SNRPG: variants seen among roughly 807,000 people sequenced by gnomAD.
The protein encoded by SNRPG is small nuclear ribonucleoprotein G.
A neutral mutation model predicts 13.9 loss-of-function variants in SNRPG; 3 were observed. The observed-to-expected ratio is 0.22, with a 90% CI of 0.10 to 0.56. SNRPG has a LOEUF of 0.56. Ranked by LOEUF, SNRPG falls within the 20% of genes least tolerant of loss-of-function variation. SNRPG has a pLI of 0.93. For missense variants in SNRPG, 34 were observed against 96.1 expected (o/e 0.35, Z 2.70); for synonymous variants, 29 against 29.3 (o/e 0.99, Z 0.03).
At chr2:70,286,318 T>C (rs1235498729) in intron 3 of SNRPG, among the ~76,000 whole-genome samples, 3 of 152,232 alleles carry the variant, frequency 2.0e-5, no homozygotes, top group Non-Finnish European at 4.4e-5. Context: ...TGAAGCCAAC[T>C]GTCCTTTGTT....
chr2:70,291,994 C>G (rs1182105414), intron 1 of SNRPG, among the ~76,000 whole-genome samples: 1 of 146,866 alleles, frequency 6.8e-6, no homozygotes. Context: ...GTTGCCCAGG[C>G]TGGAGTGCAG....
intron 2 of SNRPG, 78 bp from the exon 3 acceptor site, chr2:70,288,270 A>C: frequency 8.1e-7 from 1 of 1,233,644 alleles, no homozygotes; most frequent in Non-Finnish European, 1.2e-6. Context: ...AGGTGGGATA[A>C]AACACAAGTA....
Position 70,281,469 on chromosome 2 carries a change from G to A in SNRPG, c.*165C>T, listed in dbSNP as rs1696781368. On this transcript the variant is annotated 3_prime_UTR_variant, in exon 4 of 4. Coordinates refer to ENST00000272348, the MANE Select transcript of SNRPG (RefSeq NM_003096.4). ...CATGTTAGAAAAAACTGGAATGAGA[G>A]CTGATATTCTATATTCAGAACATCT... 2.3e-6 allele frequency: 1 copy of A among 436,270 alleles called. No individual in the cohort carries two copies. Among genetic ancestry groups the A allele is most frequent in the African/African-American group, 2.1e-5 (1 of 48,450 alleles). The allele number at this position is 436,270 out of a possible 1,614,324, so 27.0% of individuals were successfully genotyped here. A position where few individuals can be genotyped will look rare whatever the true frequency, so the allele number is the denominator to read the frequency against.
chr2:70,290,823 TAAAAAAAAAAA>T (rs57720967), intron 1 of SNRPG, among the ~76,000 whole-genome samples: 8 of 25,284 alleles, frequency 3.2e-4, no homozygotes, highest in East Asian at 1.8e-3. Flanking sequence ...CCGTCTCTAC[TAAAAAAAAAAA>T]AAAAAAAAAA....
Position 70,281,474 on chromosome 2 carries a change from T to C in SNRPG, c.*160A>G. 2.3e-6 allele frequency: 1 copy of C among 430,852 alleles called. No homozygotes were observed. The highest frequency in any genetic ancestry group is 3.7e-5 in the East Asian group (1 of 26,774). 26.7% of individuals were successfully genotyped at this position (430,852 alleles called of 1,614,324 possible). Reference sequence around the variant, plus strand: ...TAGAAAAAACTGGAATGAGAGCTGATATTCTATATTCAGAACATCTGAGAA... The same window carrying C: ...TAGAAAAAACTGGAATGAGAGCTGACATTCTATATTCAGAACATCTGAGAA... On this transcript the variant is annotated 3_prime_UTR_variant, in exon 4 of 4. Transcript: ENST00000272348.
chr2:70,293,635 G>A lies in SNRPG; in HGVS notation c.15C>T (p.His5=). The A allele has an allele frequency of 6.2e-7, 1 of 1,614,120 alleles. No individual in the cohort carries two copies. The highest frequency in any genetic ancestry group is 8.5e-7 in the Non-Finnish European group (1 of 1,179,938). ...ATACTTACTTTTTCAACTCGGGAGG[G>A]TGAGCTTTGCTCATGGTGTATACTC... MSKA[H]PPELKKFMDK... The change falls in exon 1 of 4, where the codon CAC becomes CAT. Residue 5 remains histidine, a synonymous_variant. Transcript: ENST00000272348.
At chr2:70,281,789 A>T in intron 3 of SNRPG, 105 bp from the exon 4 acceptor site, 2 of 634,192 alleles carry the variant, frequency 3.2e-6, no homozygotes. Context: ...TTAATATTAC[A>T]TGTCGGTTTG....
chr2:70,290,767 C>A (rs1219425554), intron 1 of SNRPG, among the ~76,000 whole-genome samples: 1 of 131,040 alleles, frequency 7.6e-6, no homozygotes. Context: ...GGGCGGATCA[C>A]CTGAGGTCGG....
chr2:70,287,880 T>G, intron 3 of SNRPG, 188 bp downstream of exon 3: 14 of 604,004 alleles, frequency 2.3e-5, no homozygotes, highest in East Asian at 5.7e-5. Flanking sequence ...TCTGTATAGT[T>G]GAGATCTTAC....
At position 70,293,349 on chromosome 2, in the gene SNRPG, C is replaced by G; in HGVS notation, c.32+269G>C. 4.7e-6 allele frequency: 3 copies of G among 633,592 alleles called. 1 individual carries two copies. The highest frequency in any genetic ancestry group is 8.5e-6 in the Non-Finnish European group (3 of 352,196). The allele number at this position is 633,592 out of a possible 1,614,324, so 39.2% of individuals were successfully genotyped here. A position where few individuals can be genotyped will look rare whatever the true frequency, so the allele number is the denominator to read the frequency against. ...GATCTTCAAGGAACGAGGGACAGCG[C>G]CGGGTGACCAGGGGCCAGACCGCGG... On this transcript the variant is annotated intron_variant, in intron 1 of 3. Coordinates refer to ENST00000272348, the MANE Select transcript of SNRPG (RefSeq NM_003096.4).
intron 1 of SNRPG, among the ~76,000 whole-genome samples, chr2:70,289,863 A>G (rs1450333567): frequency 6.6e-6 from 1 of 152,184 alleles, no homozygotes; most frequent in Admixed American, 6.6e-5. Flanking sequence ...CATTCTAGGA[A>G]GCAAAGTAAT....
chr2:70,289,396 T>G, intron 1 of SNRPG, 24 bp from the exon 2 acceptor site: 1 of 1,304,100 alleles, frequency 7.7e-7, no homozygotes, highest in East Asian at 2.5e-5. Context: ...AGGGTAAAGA[T>G]TATATAACCA....
intron 1 of SNRPG, chr2:70,293,338 G>C (rs1316514723): frequency 9.4e-6 from 6 of 640,270 alleles, no homozygotes; most frequent in Non-Finnish European, 1.7e-5. Context: ...TTCAAGGAAC[G>C]AGGGACAGCG....
At chr2:70,289,445 G>A in intron 1 of SNRPG, 73 bp from the exon 2 acceptor site, 1 of 756,434 alleles carries the variant, frequency 1.3e-6, no homozygotes, top group South Asian at 1.6e-5. Flanking sequence ...AATAGGTATA[G>A]TTAAGATAAT....
At chr2:70,291,666 T>A (rs993444000) in intron 1 of SNRPG, among the ~76,000 whole-genome samples, 3 of 152,018 alleles carry the variant, frequency 2.0e-5, no homozygotes, top group Non-Finnish European at 2.9e-5. Flanking sequence ...GAAGAAAAAA[T>A]TTTTAAGTCA....
intron 2 of SNRPG, among the ~76,000 whole-genome samples, chr2:70,288,896 G>C (rs1040390469): frequency 6.6e-6 from 1 of 152,150 alleles, no homozygotes; most frequent in Non-Finnish European, 1.5e-5. Context: ...AAATTGTCTA[G>C]TTAGGATTAA....
At chr2:70,289,698 C>G (rs937854121) in intron 1 of SNRPG, among the ~76,000 whole-genome samples, 1 of 152,076 alleles carries the variant, frequency 6.6e-6, no homozygotes, top group African/African-American at 2.4e-5. Flanking sequence ...ATGGTTCCAG[C>G]TACTTGGGAG....
At chr2:70,288,990 G>C (rs1038209769) in intron 2 of SNRPG, among the ~76,000 whole-genome samples, 2 of 151,960 alleles carry the variant, frequency 1.3e-5, no homozygotes, top group Admixed American at 6.6e-5. Flanking sequence ...TAGCTCTATA[G>C]CCCAGGCTGG....
intron 1 of SNRPG, among the ~76,000 whole-genome samples, chr2:70,292,439 C>G (rs957523501): frequency 2.6e-5 from 4 of 152,140 alleles, no homozygotes; most frequent in African/African-American, 9.7e-5. Context: ...CCTCCGCTTC[C>G]CGGGTTCAAG....
Sources: gnomAD v4.1 joint callset for allele counts (sites outside exome capture counted in the v4.1 genomes callset) on GRCh38, gnomAD v4.1.1 for gene constraint, MANE v1.5 for transcripts, NCBI Gene and HGNC (gene_info 2026-07-23, HGNC 2026-07-21) for gene names.